SORCS1: variants seen among roughly 807,000 people sequenced by gnomAD.
SORCS1 encodes VPS10 domain-containing receptor SorCS1.
SORCS1 carries 60 observed loss-of-function variants against 146.1 expected under a neutral mutation model. That is an observed-to-expected ratio of 0.41 (90% CI 0.33 to 0.51). The LOEUF (loss-of-function observed/expected upper bound fraction) is 0.51. Ranked by LOEUF, SORCS1 falls within the 20% of genes least tolerant of loss-of-function variation. The probability of loss-of-function intolerance (pLI) is 0.21; values close to 1 mark genes in which losing one functional copy is unlikely to be tolerated. For synonymous variants in SORCS1, 637 were observed against 584.0 expected, an observed-to-expected ratio of 1.09 and a Z score of -1.31; for missense variants, 1,352 against 1,487.6, an observed-to-expected ratio of 0.91 and a Z score of 1.50.
At chr10:107,083,740 G>A (rs1280769985) in intron 1 of SORCS1, among the ~76,000 whole-genome samples, 1 of 152,180 alleles carries the variant, frequency 6.6e-6, no homozygotes, top group Non-Finnish European at 1.5e-5. Flanking sequence ...CAGCTTTAAA[G>A]GAAAGAGGGC....
chr10:106,981,067 A>G (rs1422468453), intron 1 of SORCS1, among the ~76,000 whole-genome samples: 3 of 152,154 alleles, frequency 2.0e-5, no homozygotes, highest in Non-Finnish European at 4.4e-5. Context: ...TAAAAAGATC[A>G]CAATTTAGAT....
At chr10:107,119,510 CT>C (rs1297518868) in intron 1 of SORCS1, among the ~76,000 whole-genome samples, 1 of 152,148 alleles carries the variant, frequency 6.6e-6, no homozygotes, top group African/African-American at 2.4e-5. Context: ...GAAAATGTTA[CT>C]TTGCTTTGCT....
chr10:106,625,511 C>A (rs1030133423), intron 19 of SORCS1, among the ~76,000 whole-genome samples: 1 of 152,112 alleles, frequency 6.6e-6, no homozygotes, highest in Non-Finnish European at 1.5e-5. Context: ...TGGGATAAGA[C>A]CCAGAACACC....
Position 106,577,470 on chromosome 10 carries a change from G to T in SORCS1, c.3457C>A (p.Pro1153Thr), listed in dbSNP as rs1844637701. 1.3e-6 allele frequency: 2 copies of T among 1,591,826 alleles called. No individual in the cohort carries two copies. Among genetic ancestry groups the T allele is most frequent in the Middle Eastern group, 1.7e-4 (1 of 5,958 alleles). Residue 1153 changes from proline (P) to threonine (T), a missense_variant, in exon 26 of 26, where the codon CCG (proline) becomes ACG (threonine). This residue lies in a region of SORCS1 where 214 missense variants were observed against 204.8 expected (regional missense o/e 1.05). Transcript: ENST00000263054. The stretch of plus-strand genomic sequence containing the variant: ...GATCCCCGCTTTGGCGTTGAAGGCG[G>T]AGTGGCGTGTCTTGCTCTTTGCAAT... Reference protein sequence around the residue: ...LRLQRARHATPPSTPKRGSAG... With the variant: ...LRLQRARHATTPSTPKRGSAG...
At chr10:106,764,576 T>C (rs1859403439) in intron 4 of SORCS1, among the ~76,000 whole-genome samples, 1 of 152,192 alleles carries the variant, frequency 6.6e-6, no homozygotes, top group South Asian at 2.1e-4. Context: ...AGAACTATCA[T>C]TACTATCTGT....
intron 2 of SORCS1, among the ~76,000 whole-genome samples, chr10:106,869,964 T>C (rs1218981731): frequency 7.2e-6 from 1 of 138,380 alleles, no homozygotes; most frequent in Non-Finnish European, 1.7e-5. Flanking sequence ...GCCCCAAAGC[T>C]CCTTCAGCTG....
At chr10:106,734,804 T>A (rs1025590242) in intron 5 of SORCS1, among the ~76,000 whole-genome samples, 1 of 152,298 alleles carries the variant, frequency 6.6e-6, no homozygotes, top group South Asian at 2.1e-4. Context: ...TTCTTCTCTT[T>A]TTCCCCCTTT....
rs774332489 is a variant in SORCS1, at chr10:106,577,443, C to A, written c.3484G>T (p.Ala1162Ser). 4 of 1,611,770 alleles carry A rather than the reference C, an allele frequency of 2.5e-6. No homozygotes were observed. Among genetic ancestry groups the A allele is most frequent in the East Asian group, 4.5e-5 (2 of 44,742 alleles). The change falls in exon 26 of 26, where the codon GCT becomes TCT. Residue 1162 changes from alanine to serine, a missense_variant. Transcript: ENST00000263054. ...TPPSTPKRGS[A>S]GAQYAI ...CCTTAAATTGCATACTGTGCCCCAG[C>A]AGATCCCCGCTTTGGCGTTGAAGGC...
At chr10:107,010,057 G>GA (rs1564921718) in intron 1 of SORCS1, among the ~76,000 whole-genome samples, 1 of 152,078 alleles carries the variant, frequency 6.6e-6, no homozygotes, top group Non-Finnish European at 1.5e-5. Flanking sequence ...TCTCAGTTCT[G>GA]AAAAAAGAAT....
chr10:106,761,553 T>C, intron 5 of SORCS1, 35 bp downstream of exon 5: 4 of 1,580,224 alleles, frequency 2.5e-6, no homozygotes, highest in Non-Finnish European at 2.6e-6. Context: ...GACTAGGTCA[T>C]ATCTTAATGT....
At chr10:106,807,266 C>T (rs1040979243) in intron 3 of SORCS1, among the ~76,000 whole-genome samples, 6 of 152,180 alleles carry the variant, frequency 3.9e-5, no homozygotes, top group African/African-American at 1.4e-4. Context: ...AAAGAACTTT[C>T]TCCTCCTAAT....
chr10:106,836,012 A>C (rs933027570), intron 2 of SORCS1, among the ~76,000 whole-genome samples: 1 of 151,894 alleles, frequency 6.6e-6, no homozygotes, highest in Non-Finnish European at 1.5e-5. Context: ...TCTAAAAAAA[A>C]AAAAAAATCC....
At chr10:106,893,703 A>G (rs1313418642) in intron 2 of SORCS1, among the ~76,000 whole-genome samples, 2 of 152,222 alleles carry the variant, frequency 1.3e-5, no homozygotes, top group African/African-American at 4.8e-5. Context: ...TCTTTTGTAG[A>G]AGATTCACAG....
At chr10:106,962,728 T>C (rs112022218) in intron 1 of SORCS1, among the ~76,000 whole-genome samples, 49 of 152,284 alleles carry the variant, frequency 3.2e-4, no homozygotes, top group African/African-American at 1.1e-3. Context: ...GTGTAACACA[T>C]GGGAAGACTC....
At chr10:106,948,604 G>A (rs905571399) in intron 2 of SORCS1, among the ~76,000 whole-genome samples, 4 of 151,460 alleles carry the variant, frequency 2.6e-5, no homozygotes, top group African/African-American at 9.7e-5. Flanking sequence ...TGGCTGCAGT[G>A]AGCTATGATT....
intron 2 of SORCS1, among the ~76,000 whole-genome samples, chr10:106,838,166 C>G (rs1948861325): frequency 6.6e-6 from 1 of 152,180 alleles, no homozygotes; most frequent in Non-Finnish European, 1.5e-5. Context: ...TTGGCAAGGA[C>G]TTTTGGCTAC....
chr10:106,986,849 T>C (rs1004631980), intron 1 of SORCS1, among the ~76,000 whole-genome samples: 7 of 152,238 alleles, frequency 4.6e-5, no homozygotes, highest in Non-Finnish European at 1.0e-4. Context: ...TTCTCTTCTG[T>C]GACCCCCATC....
At chr10:106,976,402 G>T (rs1346720935) in intron 1 of SORCS1, among the ~76,000 whole-genome samples, 8 of 146,510 alleles carry the variant, frequency 5.5e-5, no homozygotes, top group Admixed American at 1.4e-4. Flanking sequence ...CGCGATTTCG[G>T]CTCACTGCAA....
chr10:106,709,515 C>T (rs1854808396), intron 6 of SORCS1, among the ~76,000 whole-genome samples, 174 bp from the exon 7 acceptor site: 2 of 134,350 alleles, frequency 1.5e-5, no homozygotes, highest in African/African-American at 5.6e-5. Context: ...GTGGTGCGAT[C>T]TCGGCTCACT....
Sources: allele counts gnomAD v4.1 joint callset (sites outside exome capture counted in the v4.1 genomes callset), GRCh38; gene constraint gnomAD v4.1.1; regional missense constraint gnomAD v4.1.1; transcripts MANE v1.5; gene names NCBI Gene and HGNC (gene_info 2026-07-23, HGNC 2026-07-21).